OXCT1: variants seen among roughly 807,000 people sequenced by gnomAD.
OXCT1 encodes succinyl-CoA:3-ketoacid coenzyme A transferase 1, mitochondrial.
Under a neutral mutation model 69.6 loss-of-function variants are expected in OXCT1, and 27 were observed. The observed-to-expected ratio is 0.39, with a 90% CI of 0.29 to 0.54. The LOEUF (loss-of-function observed/expected upper bound fraction) is 0.54. OXCT1 is among the 20% of genes least tolerant of loss of function. The probability of loss-of-function intolerance (pLI) is 0.72; values close to 1 mark genes in which losing one functional copy is unlikely to be tolerated. For synonymous variants in OXCT1, 202 were observed against 217.8 expected (o/e 0.93, Z 0.64); for missense variants, 437 against 650.2 (o/e 0.67, Z 3.57).
chr5:41,827,758 A>G (rs1488643173), intron 7 of OXCT1, among the ~76,000 whole-genome samples: 2 of 152,196 alleles, frequency 1.3e-5, no homozygotes, highest in Non-Finnish European at 2.9e-5. Flanking sequence ...TAAGAAATAA[A>G]TAAGTCTTAC....
rs200552588 is a variant in OXCT1 at position 41,786,236 on chromosome 5, C to CCACTCCACA, written c.1248+7758_1248+7766dup. ...GGGTCTCTAAAGACAACTGCTCACC[C>CCACTCCACA]CACTCCACACACACAGAGAGAGGAA... is the stretch of plus-strand genomic sequence containing the variant. On this transcript the variant is annotated intron_variant, in intron 13 of 16. Coordinates refer to ENST00000196371, the MANE Select transcript of OXCT1 (RefSeq NM_000436.4). 6.4e-3 allele frequency among the ~76,000 whole-genome samples: 975 copies of CCACTCCACA among 152,250 alleles called. 9 individuals carry two copies. The highest frequency in any genetic ancestry group is 0.027 in the Middle Eastern group (8 of 294).
chr5:41,768,027 T>C (rs1008681169), intron 13 of OXCT1, among the ~76,000 whole-genome samples: 1 of 151,970 alleles, frequency 6.6e-6, no homozygotes, highest in African/African-American at 2.4e-5. Context: ...CTCTGATGAG[T>C]CCTAAAACCA....
chr5:41,774,761 G>A (rs1024170248), intron 13 of OXCT1, among the ~76,000 whole-genome samples: 4 of 152,060 alleles, frequency 2.6e-5, no homozygotes, highest in Admixed American at 6.6e-5. Flanking sequence ...CGGGCGTGGC[G>A]GCATGCACCT....
chr5:41,864,139 CTA>C lies in OXCT1; in HGVS notation c.79-1391_79-1390del, dbSNP rs1749861293. On this transcript the variant is annotated intron_variant, in intron 1 of 16. Transcript: ENST00000196371. ...TTCCCTTTCCCCTACTTCATCCACA[CTA>C]TGCACAAAAGAAAACAAGAAAGCAG... Among the ~76,000 whole-genome samples, 4 of 152,316 alleles carry C rather than the reference CTA, an allele frequency of 2.6e-5. No individual in the cohort carries two copies. In the South Asian group the frequency reaches 8.3e-4, roughly 32 times the overall value.
intron 14 of OXCT1, among the ~76,000 whole-genome samples, chr5:41,750,221 T>C (rs938302738): frequency 6.6e-6 from 1 of 151,508 alleles, no homozygotes; most frequent in Non-Finnish European, 1.5e-5. Context: ...AATACTATGT[T>C]TACCATGCTA....
At chr5:41,781,659 T>C (rs1745407174) in intron 13 of OXCT1, among the ~76,000 whole-genome samples, 1 of 152,158 alleles carries the variant, frequency 6.6e-6, no homozygotes, top group Non-Finnish European at 1.5e-5. Context: ...GTGGTGTCCA[T>C]GTGTTTTCAT....
intron 13 of OXCT1, among the ~76,000 whole-genome samples, chr5:41,789,966 T>C (rs981381373): frequency 6.6e-6 from 1 of 152,218 alleles, no homozygotes; most frequent in Non-Finnish European, 1.5e-5. Context: ...TTTTATGTGC[T>C]CAGACATGTA....
chr5:41,838,040 T>C (rs1748454062), intron 7 of OXCT1, among the ~76,000 whole-genome samples: 1 of 152,238 alleles, frequency 6.6e-6, no homozygotes. Context: ...GTTAACTTAA[T>C]GATCCCTGAA....
intron 7 of OXCT1, among the ~76,000 whole-genome samples, chr5:41,833,698 C>T (rs1415298749): frequency 6.6e-6 from 1 of 152,022 alleles, no homozygotes; most frequent in Non-Finnish European, 1.5e-5. Flanking sequence ...ACTACAATAA[C>T]TTTAAGACAT....
chr5:41,802,030 C>T (rs897916772), intron 10 of OXCT1, among the ~76,000 whole-genome samples: 1 of 152,056 alleles, frequency 6.6e-6, no homozygotes, highest in African/African-American at 2.4e-5. Flanking sequence ...TGTAAATTTT[C>T]CTTTAAACAC....
intron 7 of OXCT1, among the ~76,000 whole-genome samples, chr5:41,818,958 T>C (rs1311453212): frequency 6.6e-6 from 1 of 151,982 alleles, no homozygotes; most frequent in African/African-American, 2.4e-5. Flanking sequence ...AAGCAACTAA[T>C]TTTTCAAATG....
intron 1 of OXCT1, among the ~76,000 whole-genome samples, chr5:41,864,001 A>G (rs1423087835): frequency 1.3e-5 from 2 of 152,190 alleles, no homozygotes; most frequent in Admixed American, 6.5e-5. Context: ...GAGGCTACAT[A>G]AAAGGAACAA....
rs140479667 is a variant in OXCT1 at position 41,765,587 on chromosome 5, T to C, written c.1249-3387A>G. Among the ~76,000 whole-genome samples the C allele has an allele frequency of 6.3e-4, 96 of 152,246 alleles. 2 individuals are homozygous for C. In the East Asian group the frequency reaches 0.018, roughly 28 times the overall value. The stretch of plus-strand genomic sequence containing the variant: ...TGAGAATTCAGTGTCAAATTAGAAC[T>C]GTTATAGCTGCACAACAGAAGGGGA... On this transcript the variant is annotated intron_variant, in intron 13 of 16. Coordinates refer to ENST00000196371, the MANE Select transcript of OXCT1 (RefSeq NM_000436.4).
At chr5:41,819,923 C>T (rs1747464053) in intron 7 of OXCT1, among the ~76,000 whole-genome samples, 2 of 152,176 alleles carry the variant, frequency 1.3e-5, no homozygotes, top group Admixed American at 1.3e-4. Context: ...TTTTTCTAGT[C>T]TACTAACTAC....
intron 13 of OXCT1, among the ~76,000 whole-genome samples, chr5:41,765,471 G>T (rs983792732): frequency 6.6e-6 from 1 of 152,124 alleles, no homozygotes; most frequent in Non-Finnish European, 1.5e-5. Context: ...TAAGTGCACA[G>T]GGTGCTAAGC....
At chr5:41,823,064 T>C (rs190611161) in intron 7 of OXCT1, among the ~76,000 whole-genome samples, 62 of 152,324 alleles carry the variant, frequency 4.1e-4, no homozygotes, top group Admixed American at 3.1e-3. Context: ...ATTCTTTTTC[T>C]GCTTTTTTTG....
chr5:41,859,880 T>TATAC (rs1240477481), intron 3 of OXCT1, among the ~76,000 whole-genome samples: 1 of 119,094 alleles, frequency 8.4e-6, no homozygotes, highest in African/African-American at 2.9e-5. Context: ...TATATATATA[T>TATAC]ATATATGTAA....
intron 7 of OXCT1, among the ~76,000 whole-genome samples, chr5:41,811,521 A>G (rs1402067969): frequency 6.6e-6 from 1 of 152,056 alleles, no homozygotes; most frequent in Non-Finnish European, 1.5e-5. Flanking sequence ...AAAGATTCAA[A>G]TGAAGAGAAA....
At chr5:41,864,609 T>C (rs1323349504) in intron 1 of OXCT1, among the ~76,000 whole-genome samples, 3 of 152,352 alleles carry the variant, frequency 2.0e-5, no homozygotes, top group Non-Finnish European at 4.4e-5. Context: ...AAAAAGTGCA[T>C]ATATCTAATC....
Sources: allele counts gnomAD v4.1 joint callset (sites outside exome capture counted in the v4.1 genomes callset), GRCh38; gene constraint gnomAD v4.1.1; transcripts MANE v1.5; gene names NCBI Gene and HGNC (gene_info 2026-07-23, HGNC 2026-07-21).